The following EXOC4 variants were observed in gnomAD, a reference collection of about 807,000 sequenced individuals.
EXOC4 encodes the protein SEC8-like 1.
In EXOC4, 71 loss-of-function variants were observed where a neutral mutation model predicts 107.2. The observed-to-expected ratio is 0.66, with a 90% CI of 0.55 to 0.81. The LOEUF is 0.81. Ranked by LOEUF, EXOC4 falls within the 30% of genes least tolerant of loss-of-function variation. The pLI, the probability that EXOC4 is intolerant of heterozygous loss-of-function variation, is 0.00. For missense variants in EXOC4, 1,108 were observed against 1,189.6 expected (o/e 0.93, Z 1.01); for synonymous variants, 456 against 441.2 (o/e 1.03, Z -0.42).
chr7:133,366,369 C>T (rs1403752532), intron 6 of EXOC4, among the ~76,000 whole-genome samples: 1 of 152,138 alleles, frequency 6.6e-6, no homozygotes, highest in African/African-American at 2.4e-5. Context: ...TAACATTTTA[C>T]TTCTCTAGGA....
rs571854629 is a variant in EXOC4 at position 133,811,896 on chromosome 7, C to T, written c.1515-5429C>T. 1.0e-3 allele frequency among the ~76,000 whole-genome samples: 154 copies of T among 152,264 alleles called. 1 individual carries two copies. Among genetic ancestry groups the T allele is most frequent in the African/African-American group, 3.6e-3 (148 of 41,564 alleles). ...GAACTATGGATTATGATCAAAGGAC[C>T]TTTTAATTATTTTATCCAATATTTT... On this transcript the variant is annotated intron_variant, in intron 10 of 17. Coordinates refer to ENST00000253861, the MANE Select transcript of EXOC4 (RefSeq NM_021807.4).
intron 9 of EXOC4, among the ~76,000 whole-genome samples, chr7:133,521,766 C>T (rs1009422111): frequency 1.5e-4 from 23 of 152,082 alleles, no homozygotes; most frequent in East Asian, 1.4e-3. Context: ...ACTACAGGCA[C>T]GTGCCACCAC....
At chr7:133,333,053 G>A (rs1795430567) in intron 5 of EXOC4, among the ~76,000 whole-genome samples, 1 of 151,972 alleles carries the variant, frequency 6.6e-6, no homozygotes. Flanking sequence ...CTTGCCTATA[G>A]CAATTATCAG....
intron 7 of EXOC4, among the ~76,000 whole-genome samples, chr7:133,408,231 G>T (rs1248663182): frequency 1.3e-5 from 2 of 151,512 alleles, no homozygotes; most frequent in Non-Finnish European, 2.9e-5. Context: ...TGATGGGTGG[G>T]GAGGGAATGA....
At chr7:133,877,207 T>C (rs1281580482) in intron 11 of EXOC4, among the ~76,000 whole-genome samples, 1 of 152,218 alleles carries the variant, frequency 6.6e-6, no homozygotes, top group Non-Finnish European at 1.5e-5. Flanking sequence ...TAGGACCCTA[T>C]TCCTAATAGC....
At chr7:133,934,089 A>G (rs536396639) in intron 13 of EXOC4, among the ~76,000 whole-genome samples, 11 of 152,350 alleles carry the variant, frequency 7.2e-5, no homozygotes, top group South Asian at 4.1e-4. Context: ...AGCTACACCA[A>G]ACATTTTTCT....
chr7:133,484,197 A>T (rs771688183), intron 9 of EXOC4: 113 of 1,532,006 alleles, frequency 7.4e-5, no homozygotes, highest in Non-Finnish European at 9.5e-5. Flanking sequence ...GATTAAAAAA[A>T]TGAGATTTCT....
rs567809894 is a variant in EXOC4 at position 133,911,783 on chromosome 7, T to C, written c.1872-5800T>C. Among the ~76,000 whole-genome samples the C allele has an allele frequency of 1.4e-4, 21 of 152,286 alleles. No individual in the cohort carries two copies. In the East Asian group the frequency reaches 4.1e-3, roughly 29 times the overall value. On this transcript the variant is annotated intron_variant, in intron 12 of 17. Coordinates refer to ENST00000253861, the MANE Select transcript of EXOC4 (RefSeq NM_021807.4). ...CAGATATGGGCCAGCATGGATGCGC[T>C]CAAAGACGTAGATGCTGACAAAATG... is the stretch of plus-strand genomic sequence containing the variant.
the EXOC4 span, among the ~76,000 whole-genome samples, chr7:134,089,030 C>T: frequency 6.6e-6 from 1 of 152,086 alleles, no homozygotes; most frequent in African/African-American, 2.4e-5. Flanking sequence ...TTTCATAAAT[C>T]TTGTATAACC....
intron 7 of EXOC4, among the ~76,000 whole-genome samples, chr7:133,469,762 G>A (rs1798825571): frequency 2.0e-5 from 3 of 152,204 alleles, no homozygotes; most frequent in Admixed American, 2.0e-4. Flanking sequence ...AGTTTGCAGT[G>A]TTCAAGTCTG....
Position 134,036,259 on chromosome 7 carries a change from A to T in EXOC4, c.2688-28032A>T, listed in dbSNP as rs145523164. On this transcript the variant is annotated intron_variant, in intron 17 of 17. Coordinates refer to ENST00000253861, the MANE Select transcript of EXOC4 (RefSeq NM_021807.4). ...ATTTTCCCTTGAGATATAGAAAGAG[A>T]GCATCCTTCTCTCCAGCTTATGTAT... Among the ~76,000 whole-genome samples the T allele has an allele frequency of 2.5e-3, 382 of 152,288 alleles. 1 individual carries two copies. The highest frequency in any genetic ancestry group is 2.8e-3 in the Non-Finnish European group (192 of 68,030).
chr7:133,505,620 C>T (rs1013777216), intron 9 of EXOC4, among the ~76,000 whole-genome samples: 1 of 152,016 alleles, frequency 6.6e-6, no homozygotes, highest in African/African-American at 2.4e-5. Flanking sequence ...AATTGCAAGA[C>T]GTCCTAAGTT....
chr7:133,973,189 T>C (rs1469826528), intron 14 of EXOC4, among the ~76,000 whole-genome samples: 1 of 151,894 alleles, frequency 6.6e-6, no homozygotes, highest in Non-Finnish European at 1.5e-5. Flanking sequence ...TCGTGGAAAA[T>C]ACAGGCATGA....
chr7:133,347,787 G>T (rs1185817219), intron 5 of EXOC4, among the ~76,000 whole-genome samples: 1 of 152,068 alleles, frequency 6.6e-6, no homozygotes, highest in Admixed American at 6.6e-5. Flanking sequence ...GGGGCCAATA[G>T]AATTTTAGTA....
At chr7:133,877,343 G>A (rs903148090) in intron 11 of EXOC4, among the ~76,000 whole-genome samples, 1 of 152,098 alleles carries the variant, frequency 6.6e-6, no homozygotes, top group Non-Finnish European at 1.5e-5. Context: ...TTGGATGCTA[G>A]ACATGCGAGG....
At chr7:133,826,652 A>G (rs1323620466) in intron 11 of EXOC4, among the ~76,000 whole-genome samples, 1 of 152,156 alleles carries the variant, frequency 6.6e-6, no homozygotes. Flanking sequence ...ATTCAGAAAA[A>G]AAATCCAACA....
intron 7 of EXOC4, among the ~76,000 whole-genome samples, chr7:133,453,425 T>C (rs1204098064): frequency 6.6e-6 from 1 of 152,182 alleles, no homozygotes; most frequent in Non-Finnish European, 1.5e-5. Flanking sequence ...CTATATTTGC[T>C]CTTGGATAAT....
chr7:133,409,346 C>T (rs1308886317), intron 7 of EXOC4, among the ~76,000 whole-genome samples: 1 of 152,174 alleles, frequency 6.6e-6, no homozygotes, highest in African/African-American at 2.4e-5. Context: ...AGGAGAAATC[C>T]ATGTATAAAT....
intron 9 of EXOC4, among the ~76,000 whole-genome samples, chr7:133,482,169 A>T (rs1221578094): frequency 6.6e-6 from 1 of 152,088 alleles, no homozygotes; most frequent in Non-Finnish European, 1.5e-5. Context: ...AGTCCTAATT[A>T]TTTTCTTTCT....
Sources: allele counts gnomAD v4.1 joint callset (sites outside exome capture counted in the v4.1 genomes callset), GRCh38; gene constraint gnomAD v4.1.1; transcripts MANE v1.5; gene names NCBI Gene and HGNC (gene_info 2026-07-23, HGNC 2026-07-21).